RABGAP1L: variants seen among roughly 807,000 people sequenced by gnomAD.
The protein encoded by RABGAP1L is rab GTPase-activating protein 1-like.
RABGAP1L carries 63 observed loss-of-function variants against 137.7 expected under a neutral mutation model. That is an observed-to-expected ratio of 0.46 (90% confidence interval 0.37 to 0.56). The LOEUF (loss-of-function observed/expected upper bound fraction) is 0.56, where lower values mean the gene tolerates loss of function less well. Ranked by LOEUF, RABGAP1L falls within the 20% of genes least tolerant of loss-of-function variation. The pLI is 0.00. For synonymous variants in RABGAP1L, 431 were observed against 433.7 expected (o/e 0.99, Z 0.08); for missense variants, 1,095 against 1,244.0 (o/e 0.88, Z 1.80).
At chr1:174,977,041 C>T (rs1428508270) in intron 22 of RABGAP1L, among the ~76,000 whole-genome samples, 3 of 152,172 alleles carry the variant, frequency 2.0e-5, no homozygotes, top group Non-Finnish European at 2.9e-5. Flanking sequence ...CATCTCAAAT[C>T]GTGATTAGCT....
intron 19 of RABGAP1L, among the ~76,000 whole-genome samples, chr1:174,870,952 G>C (rs1163945752): frequency 6.6e-6 from 1 of 151,988 alleles, no homozygotes; most frequent in Admixed American, 6.6e-5. Context: ...TGTTAGCCAG[G>C]ATGGTCTCGA....
chr1:174,651,880 G>T (rs956833008), intron 14 of RABGAP1L, among the ~76,000 whole-genome samples: 2 of 152,174 alleles, frequency 1.3e-5, no homozygotes, highest in Non-Finnish European at 2.9e-5. Context: ...CTGTCATTAT[G>T]ATGTTAGGTG....
intron 19 of RABGAP1L, among the ~76,000 whole-genome samples, chr1:174,825,578 C>T (rs141841038): frequency 0.012 from 1,820 of 152,280 alleles, 10 homozygotes; most frequent in Middle Eastern, 0.041. Flanking sequence ...CTTTACTCAA[C>T]TTTTATTTTA....
chr1:174,423,299 C>G (rs910067727), intron 13 of RABGAP1L, among the ~76,000 whole-genome samples: 1 of 152,092 alleles, frequency 6.6e-6, no homozygotes, highest in Non-Finnish European at 1.5e-5. Context: ...ATTATTAGCT[C>G]ACCAATATTT....
chr1:174,978,642 T>C (rs1435285457), intron 22 of RABGAP1L, among the ~76,000 whole-genome samples, 165 bp from the exon 23 acceptor site: 1 of 152,218 alleles, frequency 6.6e-6, no homozygotes, highest in Non-Finnish European at 1.5e-5. Flanking sequence ...CTGGAGATGA[T>C]TGACTTTTTC....
At chr1:174,558,857 T>C (rs1027171621) in intron 13 of RABGAP1L, among the ~76,000 whole-genome samples, 1 of 152,192 alleles carries the variant, frequency 6.6e-6, no homozygotes, top group Non-Finnish European at 1.5e-5. Flanking sequence ...TTCTCAGTCA[T>C]TATGAATCTT....
intron 15 of RABGAP1L, among the ~76,000 whole-genome samples, chr1:174,698,811 A>T (rs866225542): frequency 1.3e-5 from 2 of 152,108 alleles, no homozygotes; most frequent in Admixed American, 6.5e-5. Context: ...AAATAAAATT[A>T]AAAATGTAAT....
chr1:174,879,778 T>C (rs1653847447), intron 19 of RABGAP1L, among the ~76,000 whole-genome samples: 1 of 152,110 alleles, frequency 6.6e-6, no homozygotes, highest in African/African-American at 2.4e-5. Context: ...GATATAAAAC[T>C]GTAATATAAT....
chr1:174,162,777 G>C (rs903792888), intron 1 of RABGAP1L, among the ~76,000 whole-genome samples: 1 of 51,556 alleles, frequency 1.9e-5, no homozygotes, highest in Non-Finnish European at 3.3e-5. Flanking sequence ...TTCTCTTTCT[G>C]TTTTTTTTTT....
chr1:174,474,441 T>G (rs143878266), intron 13 of RABGAP1L, among the ~76,000 whole-genome samples: 2,322 of 152,314 alleles, frequency 0.015, 29 homozygotes, highest in South Asian at 0.025. Context: ...ATGTTCCTGA[T>G]GTCAGCTAGT....
At chr1:174,632,680 C>G (rs976427828) in intron 13 of RABGAP1L, among the ~76,000 whole-genome samples, 3 of 149,314 alleles carry the variant, frequency 2.0e-5, no homozygotes, top group South Asian at 2.2e-4. Context: ...TCCAGTTGAT[C>G]GCATCGGCTC....
chr1:174,195,616 T>TTTCTTC (rs1553251413), intron 1 of RABGAP1L, among the ~76,000 whole-genome samples: 1 of 57,572 alleles, frequency 1.7e-5, no homozygotes, highest in Non-Finnish European at 3.9e-5. Context: ...TTTCTTTCTT[T>TTTCTTC]CTTCCTTCCT....
At chr1:174,553,556 G>GA (rs1666691392) in intron 13 of RABGAP1L, among the ~76,000 whole-genome samples, 1 of 152,226 alleles carries the variant, frequency 6.6e-6, no homozygotes, top group Admixed American at 6.5e-5. Flanking sequence ...GAAGAGGAGG[G>GA]AACACTTCCT....
chr1:174,439,819 C>A (rs941856925), intron 13 of RABGAP1L, among the ~76,000 whole-genome samples: 1 of 152,198 alleles, frequency 6.6e-6, no homozygotes, highest in Non-Finnish European at 1.5e-5. Flanking sequence ...TATTCTGTGT[C>A]TAGCACCGCA....
At chr1:174,512,240 AC>A (rs1468207316) in intron 13 of RABGAP1L, among the ~76,000 whole-genome samples, 5 of 152,204 alleles carry the variant, frequency 3.3e-5, no homozygotes, top group Admixed American at 6.6e-5. Context: ...CTGGGACACA[AC>A]ATTTCTACCC....
intron 1 of RABGAP1L, among the ~76,000 whole-genome samples, chr1:174,169,293 C>T (rs1375184239): frequency 6.6e-6 from 1 of 151,824 alleles, no homozygotes; most frequent in Non-Finnish European, 1.5e-5. Context: ...GATCTTGGCT[C>T]ACTGCAGCCT....
chr1:174,217,701 G>T (rs1158218878), intron 1 of RABGAP1L, among the ~76,000 whole-genome samples: 1 of 152,114 alleles, frequency 6.6e-6, no homozygotes, highest in African/African-American at 2.4e-5. Context: ...AAAAGGAAGG[G>T]TGTTAACATG....
chr1:174,853,794 T>C (rs1648798617), intron 19 of RABGAP1L, among the ~76,000 whole-genome samples: 1 of 152,088 alleles, frequency 6.6e-6, no homozygotes, highest in African/African-American at 2.4e-5. Flanking sequence ...CTGGCTCTGG[T>C]AGACTATTTT....
chr1:174,826,514 G>T (rs1403569385), intron 19 of RABGAP1L, among the ~76,000 whole-genome samples: 2 of 152,116 alleles, frequency 1.3e-5, no homozygotes, highest in Non-Finnish European at 2.9e-5. Flanking sequence ...GAGCCACCAC[G>T]CCCGGCCACC....
Sources: allele counts gnomAD v4.1 joint callset (sites outside exome capture counted in the v4.1 genomes callset), GRCh38; gene constraint gnomAD v4.1.1; transcripts MANE v1.5; gene names NCBI Gene and HGNC (gene_info 2026-07-23, HGNC 2026-07-21).